Variants in FCHO2 observed in about 807,000 individuals in gnomAD.
The protein encoded by FCHO2 is F-BAR domain only protein 2.
A neutral mutation model predicts 114.1 loss-of-function variants in FCHO2; 43 were observed. The observed-to-expected ratio is 0.38, with a 90% CI of 0.30 to 0.49. The LOEUF (loss-of-function observed/expected upper bound fraction) is 0.49. Among genes scored for constraint, FCHO2 ranks in the 20% least tolerant of loss-of-function variants. FCHO2 has a pLI of 0.97. For missense variants in FCHO2, 807 were observed against 950.4 expected, an observed-to-expected ratio of 0.85 and a Z score of 1.98; for synonymous variants, 293 against 315.2, an observed-to-expected ratio of 0.93 and a Z score of 0.75.
intron 19 of FCHO2, 38 bp from the exon 20 acceptor site, chr5:73,074,704 T>C (rs1450094577): frequency 6.4e-7 from 1 of 1,556,602 alleles, no homozygotes; most frequent in Non-Finnish European, 8.8e-7. Context: ...ATTTATGTCT[T>C]TCTGAAGGAT....
intron 2 of FCHO2, 150 bp downstream of exon 2, chr5:72,968,739 A>G (rs1752341980): frequency 3.4e-6 from 2 of 593,782 alleles, no homozygotes; most frequent in South Asian, 2.5e-5. Flanking sequence ...ATTTGTATCT[A>G]TCATCTACAC....
At chr5:72,976,372 C>T (rs989393829) in intron 2 of FCHO2, among the ~76,000 whole-genome samples, 1 of 151,994 alleles carries the variant, frequency 6.6e-6, no homozygotes, top group East Asian at 1.9e-4. Context: ...AGCCACTGCA[C>T]CTGGCTTTTT....
At chr5:73,016,357 G>GTTTAAATATTAAAAAAT (rs1561450637) in intron 7 of FCHO2, among the ~76,000 whole-genome samples, 101 of 108,512 alleles carry the variant, frequency 9.3e-4, no homozygotes, top group African/African-American at 3.2e-3. Context: ...TATTAAAAAA[G>GTTTAAATATTAAAAAAT]ATTTTAAATT....
intron 1 of FCHO2, among the ~76,000 whole-genome samples, chr5:72,957,840 T>C (rs1287318396): frequency 6.6e-6 from 1 of 152,200 alleles, no homozygotes; most frequent in African/African-American, 2.4e-5. Context: ...CGAACACTTA[T>C]TTGTCCTTTT....
chr5:73,068,859 G>T, intron 19 of FCHO2, 80 bp downstream of exon 19: 8 of 1,408,762 alleles, frequency 5.7e-6, no homozygotes, highest in South Asian at 4.8e-5. Context: ...TTTTTAAATG[G>T]GCTAATGAAG....
chr5:73,065,502 C>T lies in FCHO2; in HGVS notation c.1449+1558C>T, dbSNP rs1204254731. On this transcript the variant is annotated intron_variant, in intron 18 of 25. Transcript: ENST00000430046. ...TATTAGCCACGTATTAGCTGAGCAA[C>T]ATTAAACAGTTATTTAATCAGAGTT... is the stretch of plus-strand genomic sequence containing the variant. 2.6e-5 allele frequency among the ~76,000 whole-genome samples: 4 copies of T among 151,938 alleles called. No individual in the cohort carries two copies. The East Asian group carries it at 5.8e-4, about 22-fold the overall frequency.
At chr5:73,021,487 G>A (rs1343515757) in intron 8 of FCHO2, among the ~76,000 whole-genome samples, 1 of 152,042 alleles carries the variant, frequency 6.6e-6, no homozygotes, top group African/African-American at 2.4e-5. Flanking sequence ...TACTTTAGTT[G>A]TCCTTAATCC....
intron 8 of FCHO2, chr5:73,020,950 C>T: frequency 3.1e-6 from 5 of 1,595,496 alleles, no homozygotes; most frequent in Non-Finnish European, 4.3e-6. Context: ...CAGTTTGTTG[C>T]TTCGGCTGTT....
chr5:73,008,668 G>A (rs1380832181), intron 6 of FCHO2, among the ~76,000 whole-genome samples: 1 of 152,076 alleles, frequency 6.6e-6, no homozygotes, highest in Non-Finnish European at 1.5e-5. Context: ...TTCCGAATCC[G>A]AAGAGCTCTG....
At chr5:73,019,155 A>G (rs576079902) in intron 8 of FCHO2, among the ~76,000 whole-genome samples, 29 of 152,196 alleles carry the variant, frequency 1.9e-4, no homozygotes, top group Non-Finnish European at 3.8e-4. Flanking sequence ...AAGCTAGTGT[A>G]ACCAGGCAGC....
intron 18 of FCHO2, among the ~76,000 whole-genome samples, chr5:73,065,020 C>T (rs1757999482): frequency 6.6e-6 from 1 of 151,916 alleles, no homozygotes; most frequent in African/African-American, 2.4e-5. Context: ...AGTCTCATAT[C>T]CTCAGTACTT....
chr5:73,002,689 C>T (rs1418856372), intron 5 of FCHO2, among the ~76,000 whole-genome samples: 1 of 152,142 alleles, frequency 6.6e-6, no homozygotes, highest in African/African-American at 2.4e-5. Flanking sequence ...AATTTGCATG[C>T]AACAGTAAAT....
At chr5:73,033,268 A>G (rs1756327857) in intron 8 of FCHO2, among the ~76,000 whole-genome samples, 1 of 152,164 alleles carries the variant, frequency 6.6e-6, no homozygotes. Flanking sequence ...ACATACTAAT[A>G]ATTGATTAGG....
chr5:73,060,271 A>G (rs895895101), intron 17 of FCHO2, among the ~76,000 whole-genome samples: 14 of 151,998 alleles, frequency 9.2e-5, no homozygotes, highest in African/African-American at 3.4e-4. Context: ...ATGCATTTTT[A>G]AATCTTCCTA....
intron 19 of FCHO2, 121 bp downstream of exon 19, chr5:73,068,900 A>AAACACACC: frequency 8.8e-7 from 1 of 1,137,410 alleles, no homozygotes; most frequent in Non-Finnish European, 1.2e-6. Flanking sequence ...GTTTTTCTGG[A>AAACACACC]AACACACCTG....
At chr5:73,061,905 C>T (rs1431721583) in intron 17 of FCHO2, among the ~76,000 whole-genome samples, 2 of 152,074 alleles carry the variant, frequency 1.3e-5, no homozygotes, top group Non-Finnish European at 2.9e-5. Context: ...GCTAACAGTG[C>T]TGCTGCTATT....
chr5:73,087,806 T>C (rs1743362036), intron 25 of FCHO2, 53 bp downstream of exon 25: 7 of 1,518,562 alleles, frequency 4.6e-6, no homozygotes, highest in African/African-American at 1.4e-5. Flanking sequence ...ATTTGTATTC[T>C]AACAGTTATT....
At chr5:73,066,575 C>CTTTTTTTTTTTTT (rs3054234) in intron 18 of FCHO2, among the ~76,000 whole-genome samples, 1 of 101,420 alleles carries the variant, frequency 9.9e-6, no homozygotes, top group Non-Finnish European at 2.0e-5. Flanking sequence ...AGTGCCTTTT[C>CTTTTTTTTTTTTT]TTTTTTTTTT....
chr5:73,008,295 A>G (rs1754822970), intron 6 of FCHO2, among the ~76,000 whole-genome samples: 1 of 152,216 alleles, frequency 6.6e-6, no homozygotes, highest in South Asian at 2.1e-4. Flanking sequence ...AAGGAGAATC[A>G]AGAGTCCAGT....
Sources: allele counts gnomAD v4.1 joint callset (sites outside exome capture counted in the v4.1 genomes callset), GRCh38; gene constraint gnomAD v4.1.1; transcripts MANE v1.5; gene names NCBI Gene and HGNC (gene_info 2026-07-23, HGNC 2026-07-21).